DNAH12: variants seen among roughly 807,000 people sequenced by gnomAD.
DNAH12 encodes dynein axonemal heavy chain 12.
A neutral mutation model predicts 371.5 loss-of-function variants in DNAH12; 285 were observed. The observed-to-expected ratio is 0.77, with a 90% CI of 0.70 to 0.85. The LOEUF is 0.85. Among genes scored for constraint, DNAH12 ranks in the 40% least tolerant of loss-of-function variants. The probability of loss-of-function intolerance (pLI) is 0.00; values close to 1 mark genes in which losing one functional copy is unlikely to be tolerated. For synonymous variants in DNAH12, 1,200 were observed against 1,213.0 expected (o/e 0.99, Z 0.22); for missense variants, 3,611 against 3,689.4 (o/e 0.98, Z 0.55).
chr3:57,422,854 A>G (rs967521111), intron 35 of DNAH12, among the ~76,000 whole-genome samples: 1 of 152,234 alleles, frequency 6.6e-6, no homozygotes, highest in Admixed American at 6.5e-5. Context: ...TTCTGCTAAT[A>G]CACTGAAATA....
At chr3:57,459,929 C>T (rs1283796805) in intron 19 of DNAH12, 143 bp from the exon 20 acceptor site, 3 of 715,272 alleles carry the variant, frequency 4.2e-6, no homozygotes, top group Non-Finnish European at 1.9e-6. Context: ...GTATGTCTCA[C>T]AAAGGCTTAG....
In DNAH12 at chr3:57,468,784, A is replaced by C. The variant is rs374744704; in HGVS notation, c.2301T>G (p.Ala767=). The C allele has an allele frequency of 2.3e-4, 356 of 1,530,252 alleles. No homozygotes were observed. In the African/African-American group the frequency reaches 4.6e-3, roughly 20 times the overall value. 94.8% of individuals were successfully genotyped at this position (1,530,252 alleles called of 1,614,324 possible). ...TGACTGTACTGCACATAGTAATAGT[A>C]GCATTGTCTTTTGGTTCTTCTTCAA... ...EKIEEEPKDN[A]TITMCSTVME... is the part of the protein sequence containing the mutation. The change falls in exon 17 of 74, where the codon GCT becomes GCG. Residue 767 remains alanine (A), a synonymous_variant. Transcript: ENST00000495027.
upstream of DNAH12, chr3:57,548,796 T>C (rs1263066672): frequency 6.6e-6 from 1 of 152,210 alleles, no homozygotes; most frequent in African/African-American, 2.4e-5. Flanking sequence ...ATAACAGTTA[T>C]TCATTTAGCC....
chr3:57,325,307 A>G (rs2061915658), intron 62 of DNAH12, among the ~76,000 whole-genome samples: 1 of 152,228 alleles, frequency 6.6e-6, no homozygotes, highest in African/African-American at 2.4e-5. Flanking sequence ...GAGCAGCCTA[A>G]CTGGGAGGCA....
At chr3:57,441,126 T>C (rs573551680) in intron 29 of DNAH12, among the ~76,000 whole-genome samples, 176 of 152,102 alleles carry the variant, frequency 1.2e-3, no homozygotes, top group African/African-American at 3.9e-3. Flanking sequence ...AACTTGACAA[T>C]ACATTTACAA....
chr3:57,525,335 T>C (rs899734708), intron 2 of DNAH12, among the ~76,000 whole-genome samples: 34 of 152,102 alleles, frequency 2.2e-4, no homozygotes, highest in Admixed American at 1.6e-3. Flanking sequence ...GGTGAATGAA[T>C]GATCAGAATA....
intron 58 of DNAH12, among the ~76,000 whole-genome samples, chr3:57,360,750 A>G (rs907481759): frequency 6.6e-6 from 1 of 152,152 alleles, no homozygotes; most frequent in East Asian, 1.9e-4. Flanking sequence ...TGGGGTGGGG[A>G]GCAGTGCAGA....
At chr3:57,347,827 GA>G (rs1349932997) in intron 60 of DNAH12, among the ~76,000 whole-genome samples, 1 of 151,758 alleles carries the variant, frequency 6.6e-6, no homozygotes, top group Non-Finnish European at 1.5e-5. Context: ...ATTTCATTAG[GA>G]AATTCCAAAT....
chr3:57,342,361 C>A (rs936232230), intron 60 of DNAH12, among the ~76,000 whole-genome samples: 5 of 151,694 alleles, frequency 3.3e-5, no homozygotes, highest in Non-Finnish European at 5.9e-5. Context: ...TGCAAACTGG[C>A]CAGACGTGGT....
chr3:57,549,302 G>C (rs1369754610), upstream of DNAH12, among the ~76,000 whole-genome samples: 2 of 152,112 alleles, frequency 1.3e-5, no homozygotes, highest in Admixed American at 6.5e-5. Flanking sequence ...AATCACTTGA[G>C]GTCAGGAGTT....
intron 10 of DNAH12, among the ~76,000 whole-genome samples, chr3:57,502,073 A>AT (rs1260397159): frequency 1.3e-5 from 2 of 152,016 alleles, no homozygotes; most frequent in South Asian, 2.1e-4. Flanking sequence ...CGCCCGGCTA[A>AT]TTTTTTGTAT....
intron 8 of DNAH12, among the ~76,000 whole-genome samples, chr3:57,504,559 G>A (rs781324861): frequency 6.6e-6 from 1 of 151,496 alleles, no homozygotes; most frequent in Non-Finnish European, 1.5e-5. Context: ...TACGGCGCGT[G>A]CCACCACACC....
chr3:57,416,268 G>A (rs1001163893), intron 37 of DNAH12, among the ~76,000 whole-genome samples: 6 of 151,928 alleles, frequency 3.9e-5, no homozygotes, highest in Admixed American at 1.3e-4. Flanking sequence ...TACTTTTAAC[G>A]TTTTAAAGAG....
In DNAH12 at chr3:57,483,471, T is replaced by C. The variant is rs2066821009; in HGVS notation, c.1555A>G (p.Lys519Glu). 3.9e-6 allele frequency: 6 copies of C among 1,551,352 alleles called. No individual in the cohort carries two copies. The highest frequency in any genetic ancestry group is 2.7e-5 in the African/African-American group (2 of 73,132). ...ATCTCTTCTGTTGTTTCAGGGACTT[T>C]TAATGCATGTTCTTTAATTGCTTCA... ...EFEAIKEHAL[K>E]VPETTEEMMD... is the part of the protein sequence containing the mutation. Residue 519 changes from lysine to glutamate, a missense_variant, in exon 13 of 74, where the codon AAA (lysine) becomes GAA (glutamate). Physicochemically the swap from Lys to Glu is moderately conservative, Grantham distance 56 (BLOSUM62 1). Around this residue, in one of 3 missense-constraint regions of DNAH12, gnomAD observed 1,314 missense variants for 1,398.7 expected, o/e 0.94. Coordinates refer to ENST00000495027, the MANE Select transcript of DNAH12 (RefSeq NM_001366028.2).
intron 29 of DNAH12, among the ~76,000 whole-genome samples, chr3:57,442,134 C>T (rs73076442): frequency 6.6e-6 from 1 of 152,040 alleles, no homozygotes; most frequent in Non-Finnish European, 1.5e-5. Context: ...CATTTTCAGA[C>T]AGACAAAAGG....
chr3:57,465,301 C>T (rs1467622298), intron 17 of DNAH12, among the ~76,000 whole-genome samples: 1 of 152,066 alleles, frequency 6.6e-6, no homozygotes, highest in East Asian at 1.9e-4. Flanking sequence ...ACAAACAAAA[C>T]GTCAGGCTAA....
At chr3:57,387,377 G>A (rs2063516479) in intron 45 of DNAH12, among the ~76,000 whole-genome samples, 158 bp from the exon 46 acceptor site, 1 of 151,708 alleles carries the variant, frequency 6.6e-6, no homozygotes, top group Non-Finnish European at 1.5e-5. Flanking sequence ...AGAATAAGAG[G>A]GACTGAGGTC....
chr3:57,352,448 G>A (rs568720390), intron 59 of DNAH12, among the ~76,000 whole-genome samples: 1 of 152,156 alleles, frequency 6.6e-6, no homozygotes, highest in Admixed American at 6.5e-5. Flanking sequence ...TAGCACTGGA[G>A]AAACAAGATG....
intron 49 of DNAH12, among the ~76,000 whole-genome samples, chr3:57,382,712 CTAAGT>C (rs1244202569): frequency 3.3e-5 from 5 of 151,828 alleles, no homozygotes; most frequent in African/African-American, 7.3e-5. Flanking sequence ...TACGTGGAAC[CTAAGT>C]TAAGAATCCT....
Sources: allele counts gnomAD v4.1 joint callset (sites outside exome capture counted in the v4.1 genomes callset), GRCh38; gene constraint gnomAD v4.1.1; regional missense constraint gnomAD v4.1.1; transcripts MANE v1.5; gene names NCBI Gene and HGNC (gene_info 2026-07-23, HGNC 2026-07-21).